The following TMEM176A variants were observed in gnomAD, a reference collection of about 807,000 sequenced individuals.
TMEM176A encodes the protein transmembrane protein 176A, also known as hepatocellular carcinoma-associated antigen 112.
In TMEM176A, 20 loss-of-function variants were observed where a neutral mutation model predicts 27.9. That is an observed-to-expected ratio of 0.72 (90% CI 0.50 to 1.04). The LOEUF is 1.04. Among genes scored for constraint, TMEM176A ranks in the 50% least tolerant of loss-of-function variants. The pLI, the probability that TMEM176A is intolerant of heterozygous loss-of-function variation, is 0.00. For synonymous variants in TMEM176A, 125 were observed against 118.0 expected (o/e 1.06, Z -0.38); for missense variants, 252 against 289.1 (o/e 0.87, Z 0.93).
intron 3 of TMEM176A, chr7:150,802,566 C>A (rs1798835228): frequency 2.7e-6 from 2 of 748,916 alleles, no homozygotes; most frequent in Admixed American, 3.5e-5. Flanking sequence ...GCTGCCTCTC[C>A]CTGCCTTCAA....
Position 150,803,452 on chromosome 7 carries a change from A to G in TMEM176A, c.338A>G (p.Tyr113Cys). Reference sequence around the variant, plus strand: ...ATTTACGAGAAACGGGGTGGTACATACTGGGTAAGTTCAGGGAAGGGCATG... The same window carrying G: ...ATTTACGAGAAACGGGGTGGTACATGCTGGGTAAGTTCAGGGAAGGGCATG... Reference protein sequence around the residue: ...AFIYEKRGGTYWALLRTLLTL... With the variant: ...AFIYEKRGGTCWALLRTLLTL... The change falls in exon 4 of 7, where the codon TAC (tyrosine) becomes TGC (cysteine). Residue 113 changes from tyrosine to cysteine, a missense_variant. Transcript: ENST00000004103. 1 of 1,596,464 alleles carries G rather than the reference A, an allele frequency of 6.3e-7. No homozygotes were observed.
intron 4 of TMEM176A, 65 bp from the exon 5 acceptor site, chr7:150,803,555 T>A: frequency 6.3e-7 from 1 of 1,593,348 alleles, no homozygotes; most frequent in African/African-American, 1.3e-5. Flanking sequence ...TGCCCTTTTT[T>A]CCCCCGACTG....
At chr7:150,801,022 G>A (rs942349337) in intron 1 of TMEM176A, 194 bp downstream of exon 1, 3 of 984,900 alleles carry the variant, frequency 3.0e-6, no homozygotes, top group Non-Finnish European at 1.2e-6. Flanking sequence ...CCTTCACGGG[G>A]CAGGGGCGGC....
At position 150,804,361 on chromosome 7, in the gene TMEM176A, G is replaced by A. The variant is rs748791760; in HGVS notation, c.556-1G>A. 42 of 1,613,550 alleles carry A rather than the reference G, an allele frequency of 2.6e-5. No individual in the cohort carries two copies. Among genetic ancestry groups the A allele is most frequent in the Non-Finnish European group, 3.5e-5 (41 of 1,179,598 alleles). Reference sequence around the variant, plus strand: ...TTATGGCCTTGGCCCTCTGTCCCCAGGCCTTGTTCAGAACCCTTCAGGCCA... The same window carrying A: ...TTATGGCCTTGGCCCTCTGTCCCCAAGCCTTGTTCAGAACCCTTCAGGCCA... On this transcript the variant is annotated splice_acceptor_variant, in intron 5 of 6. Transcript: ENST00000004103. LOFTEE classifies it high-confidence loss of function.
In TMEM176A at chr7:150,804,918, C is replaced by T; in HGVS notation, c.*50C>T. The T allele has an allele frequency of 6.3e-7, 1 of 1,578,918 alleles. No homozygotes were observed. The highest frequency in any genetic ancestry group is 1.1e-5 in the South Asian group (1 of 90,348). On this transcript the variant is annotated 3_prime_UTR_variant, in exon 7 of 7. Coordinates refer to ENST00000004103, the MANE Select transcript of TMEM176A (RefSeq NM_018487.3). The stretch of plus-strand genomic sequence containing the variant: ...CCTGGTGCTTCTGCACCGGGCGTCC[C>T]TGCATCTGACTGCTGGAAGAAGAAC...
chr7:150,804,566 G>GCTT (rs1798884241), intron 6 of TMEM176A, 94 bp downstream of exon 6: 1 of 1,178,498 alleles, frequency 8.5e-7, no homozygotes, highest in East Asian at 2.3e-5. Flanking sequence ...GAGGAGAAAG[G>GCTT]GGCCCATGAC....
intron 2 of TMEM176A, 183 bp downstream of exon 2, chr7:150,801,907 G>T (rs545310223): frequency 2.9e-6 from 2 of 684,824 alleles, no homozygotes; most frequent in South Asian, 1.9e-5. Flanking sequence ...GGCTGAAGGG[G>T]TGTGGAGGAG....
chr7:150,804,256 T>G, intron 5 of TMEM176A, 106 bp from the exon 6 acceptor site: 9 of 873,380 alleles, frequency 1.0e-5, no homozygotes, highest in Non-Finnish European at 1.5e-5. Context: ...GCCACGAACT[T>G]GGAGATAAAG....
chr7:150,801,695 G>A lies in TMEM176A; in HGVS notation c.145G>A (p.Gly49Ser), dbSNP rs1229234905. ...ALRPRATQAR[G>S]SSRLLVASWV... is the part of the protein sequence containing the mutation. ...GCGGCCCCGGGCCACCCAGGCCAGG[G>A]GCAGCAGCCGGCTGCTGGTGGCCTC... is the stretch of plus-strand genomic sequence containing the variant. The change falls in exon 2 of 7, where the codon GGC becomes AGC. Residue 49 changes from glycine (G) to serine (S), a missense_variant. By Grantham distance (56) the Gly-to-Ser change is moderately conservative. Coordinates refer to ENST00000004103, the MANE Select transcript of TMEM176A (RefSeq NM_018487.3). 1.3e-6 allele frequency: 2 copies of A among 1,564,050 alleles called. No homozygotes were observed. The highest frequency in any genetic ancestry group is 2.2e-5 in the Admixed American group (1 of 46,020).
chr7:150,801,631 T>C lies in TMEM176A; in HGVS notation c.81T>C (p.Ser27=). The change falls in exon 2 of 7, where the codon TCT becomes TCC. Residue 27 remains serine, a synonymous_variant. Coordinates refer to ENST00000004103, the MANE Select transcript of TMEM176A (RefSeq NM_018487.3). ...TCGATGTGCACATCCACCAGGAGTCTGCCCTGGCCAAGCTCCTGCTCACCT... is the reference window on the plus strand; with the variant it reads ...TCGATGTGCACATCCACCAGGAGTCCGCCCTGGCCAAGCTCCTGCTCACCT... ...THIDVHIHQE[S]ALAKLLLTCC... is the part of the protein sequence containing the mutation. The C allele has an allele frequency of 6.2e-7, 1 of 1,613,452 alleles. No individual in the cohort carries two copies. The highest frequency in any genetic ancestry group is 8.5e-7 in the Non-Finnish European group (1 of 1,179,940).
At chr7:150,801,283 A>G in intron 1 of TMEM176A, 1 of 388,228 alleles carries the variant, frequency 2.6e-6, no homozygotes, top group Non-Finnish European at 4.6e-6. Flanking sequence ...GAGGAGGATG[A>G]GGGGGACAGA....
At chr7:150,804,026 C>T (rs765835946) in intron 5 of TMEM176A, among the ~76,000 whole-genome samples, 194 bp downstream of exon 5, 5 of 152,204 alleles carry the variant, frequency 3.3e-5, no homozygotes, top group African/African-American at 9.6e-5. Flanking sequence ...GTGGGAAATA[C>T]AAGCATTAAA....
intron 3 of TMEM176A, chr7:150,802,655 AG>A (rs763861499): frequency 2.5e-5 from 26 of 1,042,876 alleles, no homozygotes; most frequent in Admixed American, 4.5e-5. Flanking sequence ...AGAGCGTTCC[AG>A]ATAGTATGTG....
chr7:150,804,833 G>T lies in TMEM176A; in HGVS notation c.673G>T (p.Asp225Tyr). The change falls in exon 7 of 7, where the codon GAC (aspartate) becomes TAC (tyrosine). Residue 225 changes from aspartate to tyrosine, a missense_variant. Transcript: ENST00000004103. ...WRMFPTKGKRDQKEMLEVSGI is the reference protein window; with the variant it reads ...WRMFPTKGKRYQKEMLEVSGI ...GCCTTTCCTCTTCCATTAGAAAAGA[G>T]ACCAGAAGGAAATGTTGGAAGTGAG... 6.2e-7 allele frequency: 1 copy of T among 1,614,196 alleles called. No individual in the cohort carries two copies. The highest frequency in any genetic ancestry group is 8.5e-7 in the Non-Finnish European group (1 of 1,180,024).
rs114485788 is a variant in TMEM176A at position 150,801,403 on chromosome 7, T to C, written c.-15-133T>C. 2.1e-3 allele frequency: 1,761 copies of C among 834,580 alleles called. 23 individuals carry two copies. The African/African-American group carries it at 0.027, about 13-fold the overall frequency. The allele number at this position is 834,580 out of a possible 1,614,324, so 51.7% of individuals were successfully genotyped here. On this transcript the variant is annotated intron_variant, in intron 1 of 6. Transcript: ENST00000004103. ...CATTCCCCTCGTGAGGGGCCAGGGGTGCGGCCCTGTGACCAGGACAGCCAT... is the reference window on the plus strand; with the variant it reads ...CATTCCCCTCGTGAGGGGCCAGGGGCGCGGCCCTGTGACCAGGACAGCCAT...
intron 3 of TMEM176A, 137 bp downstream of exon 3, chr7:150,802,462 T>C: frequency 2.5e-6 from 2 of 814,452 alleles, no homozygotes; most frequent in Non-Finnish European, 3.9e-6. Context: ...TCCCTGCCTG[T>C]TCAGATGAGC....
chr7:150,802,274 C>T lies in TMEM176A; in HGVS notation c.234C>T (p.Arg78=), dbSNP rs140770075. 1.1e-5 allele frequency: 18 copies of T among 1,613,470 alleles called. No homozygotes were observed. Among genetic ancestry groups the T allele is most frequent in the Non-Finnish European group, 1.4e-5 (17 of 1,179,852 alleles). Residue 78 remains arginine (R), a synonymous_variant, in exon 3 of 7, where the codon CGC becomes CGT. Transcript: ENST00000004103. ...SAVLGGFFYI[R]DYTLLVTSGA... ...TCCTAGGAGGATTTTTCTACATCCG[C>T]GACTACACCCTCCTCGTCACCTCGG...
intron 1 of TMEM176A, chr7:150,801,030 G>A (rs1798763021): frequency 1.0e-6 from 1 of 977,604 alleles, no homozygotes; most frequent in Non-Finnish European, 1.2e-6. Flanking sequence ...GGGCAGGGGC[G>A]GCGTGAACCC....
At chr7:150,802,990 G>A in intron 3 of TMEM176A, 1 of 991,142 alleles carries the variant, frequency 1.0e-6, no homozygotes, top group Non-Finnish European at 1.2e-6. Context: ...GGATTATTGG[G>A]CACTGTTAGG....
Sources: allele counts gnomAD v4.1 joint callset (sites outside exome capture counted in the v4.1 genomes callset), GRCh38; gene constraint gnomAD v4.1.1; transcripts MANE v1.5; gene names NCBI Gene and HGNC (gene_info 2026-07-23, HGNC 2026-07-21).